Variants in HHIP observed in about 807,000 individuals in gnomAD.
The protein encoded by HHIP is hedgehog interacting protein.
HHIP carries 12 observed loss-of-function variants against 74.0 expected under a neutral mutation model. The ratio of observed to expected loss-of-function variants is 0.16; its 90% CI spans 0.10 to 0.26. HHIP has a LOEUF of 0.26. HHIP is among the 10% of genes least tolerant of loss of function. The pLI is 1.00. For missense variants in HHIP, 788 were observed against 845.0 expected (o/e 0.93, Z 0.84); for synonymous variants, 309 against 311.6 (o/e 0.99, Z 0.09).
In HHIP at chr4:144,741,695, G is replaced by C. The variant is rs1162255471; in HGVS notation, c.*3738G>C. 6.6e-6 allele frequency: 1 copy of C among 151,988 alleles called. No homozygotes were observed. The highest frequency in any genetic ancestry group is 2.4e-5 in the African/African-American group (1 of 41,370). The allele number at this position is 151,988 out of a possible 1,614,324, so 9.4% of individuals were successfully genotyped here. On this transcript the variant is annotated 3_prime_UTR_variant, in exon 13 of 13. Coordinates refer to ENST00000296575, the MANE Select transcript of HHIP (RefSeq NM_022475.3). ...CCATGCCCAGCTTCCATTTGCTTTT[G>C]ATATTGTTTTTATCTCTGAGTTACA... is the stretch of plus-strand genomic sequence containing the variant.
rs2126704595 is a variant in HHIP at position 144,743,714 on chromosome 4, C to T, written c.*5757C>T. ...ATAATCTTCTAAGTCAAAAAGAAAA[C>T]ATTTAAGTACATAATATAAAAAGAA... is the stretch of plus-strand genomic sequence containing the variant. On this transcript the variant is annotated 3_prime_UTR_variant, in exon 13 of 13. Transcript: ENST00000296575. 6.6e-6 allele frequency: 1 copy of T among 151,842 alleles called. No individual in the cohort carries two copies. Among genetic ancestry groups the T allele is most frequent in the Non-Finnish European group, 1.5e-5 (1 of 67,848 alleles). The allele number at this position is 151,842 out of a possible 1,614,324, so 9.4% of individuals were successfully genotyped here. A position where few individuals can be genotyped will look rare whatever the true frequency, so the allele number is the denominator to read the frequency against.
chr4:144,659,150 G>A (rs534388988), intron 3 of HHIP, among the ~76,000 whole-genome samples: 28 of 152,212 alleles, frequency 1.8e-4, no homozygotes, highest in African/African-American at 6.7e-4. Flanking sequence ...TATATTATGA[G>A]CTTGGCTTCT....
intron 4 of HHIP, among the ~76,000 whole-genome samples, chr4:144,682,902 G>A (rs546649780): frequency 1.3e-5 from 2 of 152,256 alleles, no homozygotes; most frequent in East Asian, 3.9e-4. Flanking sequence ...AGTTTAATGA[G>A]AGCAAATTCC....
chr4:144,705,770 A>G (rs981069085), intron 4 of HHIP, among the ~76,000 whole-genome samples: 1 of 152,244 alleles, frequency 6.6e-6, no homozygotes, highest in African/African-American at 2.4e-5. Flanking sequence ...TGACATTCAT[A>G]TAATAACACA....
chr4:144,695,828 C>G (rs1729801781), intron 4 of HHIP, among the ~76,000 whole-genome samples: 1 of 151,854 alleles, frequency 6.6e-6, no homozygotes, highest in Admixed American at 6.6e-5. Context: ...AAGATATCCA[C>G]AAATCTTTAT....
intron 2 of HHIP, among the ~76,000 whole-genome samples, chr4:144,655,753 C>CTCT (rs3041434): frequency 9.3e-5 from 14 of 151,084 alleles, no homozygotes; most frequent in South Asian, 8.4e-4. Flanking sequence ...GAGTCAGTAA[C>CTCT]TTTTTTTTCC....
At position 144,734,755 on chromosome 4, in the gene HHIP, A is replaced by G; in HGVS notation, c.1775A>G (p.Glu592Gly). 6.3e-7 allele frequency: 1 copy of G among 1,590,372 alleles called. No individual in the cohort carries two copies. The highest frequency in any genetic ancestry group is 8.6e-7 in the Non-Finnish European group (1 of 1,161,898). ...TTTTAATGTAGACCTTTAATGCCTG[A>G]GGAATGCAGAGCCACGGTACAACCT... ...IVDPKRPLMP[E>G]ECRATVQPAQ... Residue 592 changes from glutamate to glycine, a missense_variant, in exon 12 of 13, where the codon GAG becomes GGG. Glu to Gly is a moderately conservative substitution (Grantham distance 98, BLOSUM62 -2). Coordinates refer to ENST00000296575, the MANE Select transcript of HHIP (RefSeq NM_022475.3).
At chr4:144,667,041 ACCCT>A (rs1347342131) in intron 4 of HHIP, among the ~76,000 whole-genome samples, 79 of 152,226 alleles carry the variant, frequency 5.2e-4, no homozygotes, top group African/African-American at 1.8e-3. Context: ...CTAGCAATAC[ACCCT>A]GGGGTTGAAA....
intron 1 of HHIP, 107 bp from the exon 2 acceptor site, chr4:144,652,498 T>C: frequency 2.9e-6 from 2 of 685,890 alleles, no homozygotes; most frequent in Non-Finnish European, 5.1e-6. Context: ...AAAAACTTCA[T>C]TGGCTAAATT....
intron 4 of HHIP, among the ~76,000 whole-genome samples, chr4:144,676,551 T>G (rs905722146): frequency 6.6e-6 from 1 of 152,176 alleles, no homozygotes; most frequent in African/African-American, 2.4e-5. Flanking sequence ...TGCTATTCAG[T>G]TTCCATTCAA....
chr4:144,666,013 C>T (rs192088772), intron 4 of HHIP, among the ~76,000 whole-genome samples: 3 of 152,240 alleles, frequency 2.0e-5, no homozygotes, highest in Admixed American at 6.5e-5. Context: ...CCCTAGAAAA[C>T]GTCTGCCGTC....
Position 144,647,991 on chromosome 4 carries a change from A to T in HHIP, c.279+1037A>T, listed in dbSNP as rs570058575. On this transcript the variant is annotated intron_variant, in intron 1 of 12. Transcript: ENST00000296575. Reference sequence around the variant, plus strand: ...AGTCTTGCTGGCCCAGGCATAATAAAAAAAAAAAATACCCAGGCTGAATCT... The same window carrying T: ...AGTCTTGCTGGCCCAGGCATAATAATAAAAAAAAATACCCAGGCTGAATCT... Among the ~76,000 whole-genome samples, 136 of 150,826 alleles carry T rather than the reference A, an allele frequency of 9.0e-4. 1 individual carries two copies. The highest frequency in any genetic ancestry group is 2.8e-3 in the African/African-American group (117 of 41,328).
chr4:144,652,126 C>A (rs1373299758), intron 1 of HHIP, among the ~76,000 whole-genome samples: 1 of 151,920 alleles, frequency 6.6e-6, no homozygotes, highest in Non-Finnish European at 1.5e-5. Flanking sequence ...AAATGTAACC[C>A]AAGTATATTT....
At chr4:144,707,026 T>C in intron 5 of HHIP, 61 bp from the exon 6 acceptor site, 4 of 1,401,490 alleles carry the variant, frequency 2.9e-6, no homozygotes, top group African/African-American at 2.8e-5. Flanking sequence ...CTATTCACTT[T>C]CTGATGGACT....
chr4:144,712,034 A>G lies in HHIP; in HGVS notation c.1386A>G (p.Ser462=), dbSNP rs764707901. 3 of 1,612,954 alleles carry G rather than the reference A, an allele frequency of 1.9e-6. No homozygotes were observed. Among genetic ancestry groups the G allele is most frequent in the Non-Finnish European group, 2.5e-6 (3 of 1,179,038 alleles). The change falls in exon 8 of 13, where the codon TCA becomes TCG. Residue 462 remains serine (S), a synonymous_variant. Transcript: ENST00000296575. ...ACTCCAATGGAAAAAACAGATCATC[A>G]GCCAGAATTCTACAGATAATAAAGG... The part of the protein sequence containing the change: ...CSDSNGKNRS[S]ARILQIIKGK...
chr4:144,745,183 T>C lies in HHIP; in HGVS notation c.*7226T>C, dbSNP rs1055740744. On this transcript the variant is annotated 3_prime_UTR_variant, in exon 13 of 13. Coordinates refer to ENST00000296575, the MANE Select transcript of HHIP (RefSeq NM_022475.3). ...TTCTTTTCTTAATTTAATATATTTA[T>C]GTAAATGCATGCCTGAAATTTGGTT... 6.6e-6 allele frequency: 1 copy of C among 152,212 alleles called. No homozygotes were observed. Among genetic ancestry groups the C allele is most frequent in the Non-Finnish European group, 1.5e-5 (1 of 68,032 alleles). 9.4% of individuals were successfully genotyped at this position (152,212 alleles called of 1,614,324 possible). A position where few individuals can be genotyped will look rare whatever the true frequency, so the allele number is the denominator to read the frequency against.
intron 11 of HHIP, among the ~76,000 whole-genome samples, chr4:144,733,897 C>G (rs1731034850): frequency 6.6e-6 from 1 of 152,136 alleles, no homozygotes; most frequent in Non-Finnish European, 1.5e-5. Flanking sequence ...CTGAAGGCAT[C>G]TTGGTTTCCA....
chr4:144,706,650 C>T lies in HHIP; in HGVS notation c.951C>T (p.His317=), dbSNP rs1176616634. Residue 317 remains histidine, a synonymous_variant, in exon 5 of 13, where the codon CAC becomes CAT. Transcript: ENST00000296575. ...QERWAIGPHD[H]ILRVVEYTVS... is the part of the protein sequence containing the mutation. ...GGTGGGCTATCGGGCCTCATGACCA[C>T]ATTCTTAGGGTTGTGGAATACACAG... is the stretch of plus-strand genomic sequence containing the variant. 2.5e-6 allele frequency: 4 copies of T among 1,613,570 alleles called. No homozygotes were observed. Among genetic ancestry groups the T allele is most frequent in the Non-Finnish European group, 3.4e-6 (4 of 1,179,834 alleles).
chr4:144,730,695 T>G (rs931520999), intron 11 of HHIP, among the ~76,000 whole-genome samples: 2 of 152,152 alleles, frequency 1.3e-5, no homozygotes. Context: ...AGTACTTAAG[T>G]ATATGTAAGA....
Sources: gnomAD v4.1 joint callset for allele counts (sites outside exome capture counted in the v4.1 genomes callset) on GRCh38, gnomAD v4.1.1 for gene constraint, MANE v1.5 for transcripts, NCBI Gene and HGNC (gene_info 2026-07-23, HGNC 2026-07-21) for gene names.